The following NFIB variants were observed in gnomAD, a reference collection of about 807,000 sequenced individuals.
The protein encoded by NFIB is nuclear factor 1 B-type.
NFIB carries 11 observed loss-of-function variants against 61.5 expected under a neutral mutation model. The ratio of observed to expected loss-of-function variants is 0.18; its 90% CI spans 0.11 to 0.30. The LOEUF is 0.30. Among genes scored for constraint, NFIB ranks in the 10% least tolerant of loss-of-function variants. The pLI, the probability that NFIB is intolerant of heterozygous loss-of-function variation, is 1.00. For synonymous variants in NFIB, 260 were observed against 216.5 expected (o/e 1.20, Z -1.76); for missense variants, 471 against 608.9 (o/e 0.77, Z 2.38).
intron 1 of NFIB, chr9:14,362,624 C>T (rs1018348796): frequency 6.6e-6 from 1 of 151,794 alleles, no homozygotes; most frequent in African/African-American, 2.4e-5. Context: ...GGCCAGGTCC[C>T]GTGGCTCATA....
intron 10 of NFIB, among the ~76,000 whole-genome samples, chr9:14,089,738 G>A (rs2033558343): frequency 6.6e-6 from 1 of 152,098 alleles, no homozygotes; most frequent in Non-Finnish European, 1.5e-5. Context: ...TATCAATCTA[G>A]ATATGCTCAT....
chr9:14,182,708 C>CTGTGTGTGTG (rs59897559), intron 2 of NFIB, among the ~76,000 whole-genome samples: 1 of 97,000 alleles, frequency 1.0e-5, no homozygotes. Context: ...CTCTCTCTCT[C>CTGTGTGTGTG]TGTGTGTGTG....
chr9:14,153,646 T>C (rs1156915949), intron 4 of NFIB, among the ~76,000 whole-genome samples: 2 of 152,104 alleles, frequency 1.3e-5, no homozygotes. Context: ...TAATGCTGAA[T>C]GGCTTCATTA....
intron 2 of NFIB, among the ~76,000 whole-genome samples, chr9:14,296,207 C>A (rs937428958): frequency 6.6e-6 from 1 of 152,120 alleles, no homozygotes; most frequent in African/African-American, 2.4e-5. Context: ...ATGCTATTTT[C>A]CTTCATATAT....
the NFIB span, among the ~76,000 whole-genome samples, chr9:14,455,757 T>C: frequency 2.6e-5 from 4 of 152,286 alleles, no homozygotes; most frequent in East Asian, 3.9e-4. Flanking sequence ...GTAAACAAGA[T>C]TATCATTCGT....
At chr9:14,144,276 C>G (rs886264497) in intron 6 of NFIB, among the ~76,000 whole-genome samples, 1 of 152,112 alleles carries the variant, frequency 6.6e-6, no homozygotes, top group Non-Finnish European at 1.5e-5. Flanking sequence ...GTGACACTCT[C>G]TATAATAAAG....
At chr9:14,286,591 C>A (rs2058722235) in intron 2 of NFIB, among the ~76,000 whole-genome samples, 1 of 152,170 alleles carries the variant, frequency 6.6e-6, no homozygotes, top group East Asian at 1.9e-4. Context: ...ACTACCATTA[C>A]TCTTTTTATA....
In NFIB at chr9:14,336,578, G is replaced by C. The variant is rs149248124; in HGVS notation, c.109-29058C>G. ...TAAGATGCTTATAATCTCACTTCTA[G>C]AGATATGCTCTGAAGCTGCGGTCCA... On this transcript the variant is annotated intron_variant, in intron 1 of 8. Transcript: ENST00000380934. 5.3e-3 allele frequency among the ~76,000 whole-genome samples: 807 copies of C among 152,296 alleles called. 8 individuals are homozygous for C. The highest frequency in any genetic ancestry group is 0.018 in the African/African-American group (746 of 41,558).
intron 1 of NFIB, among the ~76,000 whole-genome samples, chr9:14,334,027 G>A (rs1164212971): frequency 2.0e-5 from 3 of 152,174 alleles, no homozygotes; most frequent in African/African-American, 4.8e-5. Flanking sequence ...TCCTCTCTGC[G>A]ATTGCAGGTA....
chr9:14,505,529 G>A, the NFIB span, among the ~76,000 whole-genome samples: 32 of 152,156 alleles, frequency 2.1e-4, no homozygotes, highest in African/African-American at 7.2e-4. Context: ...GTCACCCCCT[G>A]ATAACTGGGG....
At chr9:14,316,801 A>C (rs1463976608), upstream of NFIB, among the ~76,000 whole-genome samples, 1 of 152,148 alleles carries the variant, frequency 6.6e-6, no homozygotes, top group Non-Finnish European at 1.5e-5. Flanking sequence ...AGCTCTACTG[A>C]TAATACCAGC....
chr9:14,396,898 C>T (rs2061692788), intron 1 of NFIB, among the ~76,000 whole-genome samples: 1 of 151,968 alleles, frequency 6.6e-6, no homozygotes. Flanking sequence ...AGAGAGGTGC[C>T]CCAAGAATGT....
chr9:14,520,732 G>A, the NFIB span, among the ~76,000 whole-genome samples: 1 of 152,194 alleles, frequency 6.6e-6, no homozygotes, highest in Non-Finnish European at 1.5e-5. Context: ...TATCAATTTA[G>A]TGAGACAGCA....
intron 1 of NFIB, among the ~76,000 whole-genome samples, chr9:14,368,727 C>T (rs1174461223): frequency 6.6e-6 from 1 of 152,174 alleles, no homozygotes; most frequent in Non-Finnish European, 1.5e-5. Context: ...TGGATGATGT[C>T]TTCTACTCCA....
the NFIB span, among the ~76,000 whole-genome samples, chr9:14,410,459 A>G: frequency 3.9e-5 from 6 of 152,176 alleles, no homozygotes; most frequent in Non-Finnish European, 7.3e-5. Flanking sequence ...TACTATGCAT[A>G]AGGTAGAAGA....
chr9:14,238,671 A>C (rs1286335284), intron 2 of NFIB, among the ~76,000 whole-genome samples: 1 of 152,144 alleles, frequency 6.6e-6, no homozygotes, highest in Non-Finnish European at 1.5e-5. Context: ...TTTCCAAACA[A>C]AGGTAGGAAA....
rs1455937583 is a variant in NFIB, at chr9:14,346,288, A to ACCCC, written c.109-38769_109-38768insGGGG. Among the ~76,000 whole-genome samples the ACCCC allele has an allele frequency of 9.3e-3, 663 of 71,488 alleles. 16 individuals are homozygous for ACCCC. Among genetic ancestry groups the ACCCC allele is most frequent in the Middle Eastern group, 0.042 (2 of 48 alleles). The allele number at this position is 71,488 out of a possible 152,430, so 46.9% of individuals were successfully genotyped here. On this transcript the variant is annotated intron_variant, in intron 1 of 8. Coordinates refer to the NFIB transcript ENST00000380934. ...TATCCGCAGTCACACGAGGTAACCG[A>ACCCC]CACCCCCCCCCCGTAACCTGAGCTA...
chr9:14,521,935 T>C, the NFIB span, among the ~76,000 whole-genome samples: 1 of 152,202 alleles, frequency 6.6e-6, no homozygotes, highest in Non-Finnish European at 1.5e-5. Flanking sequence ...TATCTCCCCA[T>C]ATCCATGCTA....
intron 4 of NFIB, among the ~76,000 whole-genome samples, chr9:14,154,644 A>T (rs2043191199): frequency 6.6e-6 from 1 of 152,176 alleles, no homozygotes; most frequent in African/African-American, 2.4e-5. Flanking sequence ...GCCACCATGT[A>T]AAAAGACCCA....
Sources: gnomAD v4.1 joint callset for allele counts (sites outside exome capture counted in the v4.1 genomes callset) on GRCh38, gnomAD v4.1.1 for gene constraint, MANE v1.5 for transcripts, NCBI Gene and HGNC (gene_info 2026-07-23, HGNC 2026-07-21) for gene names.